The following GCNT2 variants were observed in gnomAD, a reference collection of about 807,000 sequenced individuals.
GCNT2 encodes the protein N-acetyllactosaminide beta-1,6-N-acetylglucosaminyl-transferase.
A neutral mutation model predicts 34.2 loss-of-function variants in GCNT2; 34 were observed. The observed-to-expected ratio is 1.00, with a 90% CI of 0.76 to 1.32. The LOEUF is 1.32. Among genes scored for constraint, GCNT2 ranks in the 40% most tolerant of loss-of-function variants. The pLI, the probability that GCNT2 is intolerant of heterozygous loss-of-function variation, is 0.00. For synonymous variants in GCNT2, 212 were observed against 188.0 expected (o/e 1.13, Z -1.04); for missense variants, 584 against 489.4 (o/e 1.19, Z -1.82).
intron 3 of GCNT2, among the ~76,000 whole-genome samples, chr6:10,571,906 A>AC (rs1198324519): frequency 2.6e-5 from 4 of 151,688 alleles, no homozygotes; most frequent in Admixed American, 6.6e-5. Flanking sequence ...CCCCCTCCAC[A>AC]CCCCCTGAGA....
intron 3 of GCNT2, among the ~76,000 whole-genome samples, chr6:10,552,821 T>A (rs1166813239): frequency 6.6e-6 from 1 of 152,192 alleles, no homozygotes; most frequent in African/African-American, 2.4e-5. Context: ...CTGTATTTTA[T>A]AATTAAGAAT....
intron 1 of GCNT2, among the ~76,000 whole-genome samples, chr6:10,526,854 A>C (rs1315789588): frequency 1.3e-5 from 2 of 152,224 alleles, no homozygotes; most frequent in Non-Finnish European, 2.9e-5. Context: ...AGTGGCTCAC[A>C]GCTGTCATCC....
At chr6:10,579,015 A>G (rs1376256926) in intron 3 of GCNT2, among the ~76,000 whole-genome samples, 1 of 152,218 alleles carries the variant, frequency 6.6e-6, no homozygotes, top group African/African-American at 2.4e-5. Flanking sequence ...ATCAAACTAT[A>G]GGAATTCACC....
intron 3 of GCNT2, among the ~76,000 whole-genome samples, chr6:10,585,130 T>C (rs1456972210): frequency 2.6e-5 from 4 of 152,030 alleles, no homozygotes; most frequent in Non-Finnish European, 4.4e-5. Flanking sequence ...TACCTTGTTA[T>C]ATTTTTCTGC....
chr6:10,571,688 A>G (rs1270691015), intron 3 of GCNT2, among the ~76,000 whole-genome samples: 1 of 152,074 alleles, frequency 6.6e-6, no homozygotes, highest in Non-Finnish European at 1.5e-5. Flanking sequence ...ATGTTCTCCC[A>G]TTATTGTTTG....
chr6:10,614,642 A>T (rs867104414), intron 3 of GCNT2, among the ~76,000 whole-genome samples: 1 of 147,574 alleles, frequency 6.8e-6, no homozygotes, highest in Admixed American at 6.7e-5. Flanking sequence ...AAAAAAAAAA[A>T]AAAGAGAAAA....
chr6:10,567,099 A>G (rs936023040), intron 3 of GCNT2, among the ~76,000 whole-genome samples: 1 of 152,216 alleles, frequency 6.6e-6, no homozygotes, highest in African/African-American at 2.4e-5. Flanking sequence ...CAGGAGGATC[A>G]CTTGAGCCCA....
chr6:10,615,033 T>TA (rs1166257454), intron 3 of GCNT2, among the ~76,000 whole-genome samples: 7 of 152,146 alleles, frequency 4.6e-5, no homozygotes, highest in Non-Finnish European at 8.8e-5. Context: ...ACAAGTTAGT[T>TA]ACAATTAACC....
intron 3 of GCNT2, chr6:10,619,249 C>G (rs1026641113): frequency 2.0e-5 from 3 of 152,076 alleles, no homozygotes; most frequent in African/African-American, 7.3e-5. Context: ...CAGTAGTACT[C>G]AAACTCACTG....
At chr6:10,616,180 G>A (rs1046994025) in intron 3 of GCNT2, among the ~76,000 whole-genome samples, 1 of 152,164 alleles carries the variant, frequency 6.6e-6, no homozygotes, top group Admixed American at 6.5e-5. Context: ...CCTTTGCAGT[G>A]AGCGTTATAT....
intron 1 of GCNT2, among the ~76,000 whole-genome samples, chr6:10,522,461 C>G (rs2113463695): frequency 1.3e-5 from 2 of 152,268 alleles, no homozygotes; most frequent in South Asian, 4.1e-4. Context: ...AGTCTTTCTG[C>G]ACCTGGTAGT....
In GCNT2 at chr6:10,556,326, G is replaced by A. The variant is rs1561796148; in HGVS notation, c.925+26490G>A. 4.4e-6 allele frequency: 7 copies of A among 1,589,694 alleles called. No homozygotes were observed. In the South Asian group the frequency reaches 6.7e-5, roughly 15 times the overall value. On this transcript the variant is annotated intron_variant, in intron 3 of 4. Transcript: ENST00000495262. ...GTCTCCAACAGGGCAGGAGTGAGTG[G>A]AGTATGTTGCAAAATAAGAACTCAG...
In GCNT2 at chr6:10,560,739, C is replaced by CT. The variant is rs572271267; in HGVS notation, c.925+30913dup. ...AGTAAATCACAGAGCTTCACACTGC[C>CT]TTTTTTTTTTCTTGGTGCCTTTCTA... On this transcript the variant is annotated intron_variant, in intron 3 of 4. Coordinates refer to ENST00000495262, the MANE Select transcript of GCNT2 (RefSeq NM_145649.5). Among the ~76,000 whole-genome samples the CT allele has an allele frequency of 3.7e-3, 556 of 149,062 alleles. 2 individuals are homozygous for CT. Among genetic ancestry groups the CT allele is most frequent in the African/African-American group, 0.013 (516 of 40,688 alleles).
chr6:10,539,788 G>C (rs1378025751), intron 3 of GCNT2, among the ~76,000 whole-genome samples: 3 of 152,210 alleles, frequency 2.0e-5, no homozygotes, highest in Non-Finnish European at 4.4e-5. Context: ...TTTTTGGTTA[G>C]AAATCAGGTA....
At chr6:10,547,843 C>T (rs1762332379) in intron 3 of GCNT2, among the ~76,000 whole-genome samples, 1 of 152,136 alleles carries the variant, frequency 6.6e-6, no homozygotes, top group Non-Finnish European at 1.5e-5. Context: ...TTATTTATAT[C>T]TCTGGGGACT....
intron 3 of GCNT2, among the ~76,000 whole-genome samples, chr6:10,537,059 CG>C (rs1761797058): frequency 6.6e-6 from 1 of 151,738 alleles, no homozygotes; most frequent in African/African-American, 2.4e-5. Context: ...CCACCACTCT[CG>C]GCCACCTGTG....
intron 3 of GCNT2, among the ~76,000 whole-genome samples, chr6:10,595,720 G>C (rs540652298): frequency 2.0e-5 from 3 of 152,154 alleles, no homozygotes; most frequent in Non-Finnish European, 2.9e-5. Context: ...TTCTATGTAG[G>C]TTTTGACTGG....
At chr6:10,613,209 A>G (rs1399625980) in intron 3 of GCNT2, among the ~76,000 whole-genome samples, 2 of 152,234 alleles carry the variant, frequency 1.3e-5, no homozygotes, top group Non-Finnish European at 2.9e-5. Flanking sequence ...ATTTCAAAGA[A>G]TCATGTTTAA....
intron 3 of GCNT2, among the ~76,000 whole-genome samples, chr6:10,603,178 A>G (rs996766662): frequency 3.9e-5 from 6 of 152,212 alleles, no homozygotes; most frequent in African/African-American, 1.4e-4. Context: ...AAACGTGTAC[A>G]TGAGTGACGC....
Sources: gnomAD v4.1 joint callset for allele counts (sites outside exome capture counted in the v4.1 genomes callset) on GRCh38, gnomAD v4.1.1 for gene constraint, MANE v1.5 for transcripts, NCBI Gene and HGNC (gene_info 2026-07-23, HGNC 2026-07-21) for gene names.